The following LRCH2 variants were observed in gnomAD, a reference collection of about 807,000 sequenced individuals.
The protein encoded by LRCH2 is leucine-rich repeat and calponin homology domain-containing protein 2.
In LRCH2, 38 loss-of-function variants were observed where a neutral mutation model predicts 68.9. That is an observed-to-expected ratio of 0.55 (90% CI 0.43 to 0.72). The LOEUF (loss-of-function observed/expected upper bound fraction) is 0.72, where lower values mean the gene tolerates loss of function less well. LRCH2 is among the 30% of genes least tolerant of loss of function. The pLI is 0.00. For synonymous variants in LRCH2, 191 were observed against 208.1 expected, an observed-to-expected ratio of 0.92 and a Z score of 0.71; for missense variants, 528 against 572.9, an observed-to-expected ratio of 0.92 and a Z score of 0.80.
rs782102034 is a variant in LRCH2, at chrX:115,232,309, C to G, written c.349+1384G>C. 3.3e-3 allele frequency among the ~76,000 whole-genome samples: 362 copies of G among 109,910 alleles called. 3 individuals are homozygous for G. Among genetic ancestry groups the G allele is most frequent in the Middle Eastern group, 0.024 (5 of 210 alleles). On this transcript the variant is annotated intron_variant, in intron 1 of 20. Coordinates refer to ENST00000317135, the MANE Select transcript of LRCH2 (RefSeq NM_020871.4). ...AAAAAAATCACTATAATGATGCAGT[C>G]TGAAACTGTTTTACTTGAAGCCTTT...
chrX:115,221,576 G>T (rs1407348067), intron 1 of LRCH2, among the ~76,000 whole-genome samples: 3 of 110,976 alleles, frequency 2.7e-5, no homozygotes, highest in Non-Finnish European at 5.7e-5. Flanking sequence ...TACTGGAGTG[G>T]CAACAAAGTC....
At chrX:115,146,385 A>T (rs2072382705) in intron 14 of LRCH2, among the ~76,000 whole-genome samples, 1 of 110,962 alleles carries the variant, frequency 9.0e-6, no homozygotes, top group African/African-American at 3.3e-5. Flanking sequence ...GACTATAGTC[A>T]ATAATAATTT....
intron 1 of LRCH2, among the ~76,000 whole-genome samples, chrX:115,207,381 A>G (rs1569517023): frequency 9.1e-6 from 1 of 110,339 alleles, no homozygotes; most frequent in Non-Finnish European, 1.9e-5. Context: ...TCTACAAAAA[A>G]ATACAAAAAG....
intron 5 of LRCH2, among the ~76,000 whole-genome samples, chrX:115,171,010 G>C (rs1312258004): frequency 9.0e-6 from 1 of 111,574 alleles, no homozygotes; most frequent in Non-Finnish European, 1.9e-5. Context: ...GTTGGCCATA[G>C]AGAAAATGAA....
At chrX:115,188,412 A>G in intron 1 of LRCH2, 42 bp from the exon 2 acceptor site, 3 of 937,176 alleles carry the variant, frequency 3.2e-6, no homozygotes, top group Non-Finnish European at 4.3e-6. Context: ...ACCTATATCT[A>G]TGGTAATTAA....
At chrX:115,207,597 T>G (rs2072978317) in intron 1 of LRCH2, among the ~76,000 whole-genome samples, 1 of 111,553 alleles carries the variant, frequency 9.0e-6, no homozygotes, top group Non-Finnish European at 1.9e-5. Context: ...CCGTGGGAGA[T>G]TCACTTCACA....
At chrX:115,122,919 T>C (rs1556526518) in intron 18 of LRCH2, 22 bp from the exon 19 acceptor site, 1 of 1,170,896 alleles carries the variant, frequency 8.5e-7, no homozygotes, top group South Asian at 1.9e-5. Flanking sequence ...CAGGTATAAA[T>C]CAGATACTCT....
chrX:115,211,937 T>C (rs781953641), intron 1 of LRCH2, among the ~76,000 whole-genome samples: 3 of 112,280 alleles, frequency 2.7e-5, no homozygotes, highest in South Asian at 3.7e-4. Context: ...CTTAAAGAGA[T>C]GGGCTCTTAT....
At chrX:115,132,115 G>A (rs952676552) in intron 14 of LRCH2, among the ~76,000 whole-genome samples, 3 of 111,695 alleles carry the variant, frequency 2.7e-5, no homozygotes, top group Non-Finnish European at 5.6e-5. Flanking sequence ...TTTGGCTTTC[G>A]TTGCCATTGC....
At chrX:115,183,987 C>G (rs2072713320) in intron 3 of LRCH2, among the ~76,000 whole-genome samples, 1 of 112,113 alleles carries the variant, frequency 8.9e-6, no homozygotes, top group South Asian at 3.7e-4. Flanking sequence ...CATAAGCAAA[C>G]AGTGAGGAAG....
chrX:115,147,481 T>C (rs1295276750), intron 14 of LRCH2, among the ~76,000 whole-genome samples: 1 of 111,591 alleles, frequency 9.0e-6, no homozygotes, highest in Non-Finnish European at 1.9e-5. Context: ...GAAGCTTATC[T>C]TTGCACCTAA....
In LRCH2 at chrX:115,148,283, T is replaced by A. The variant is rs7881575; in HGVS notation, c.1695+1544A>T. Among the ~76,000 whole-genome samples, 1,042 of 111,568 alleles carry A rather than the reference T, an allele frequency of 9.3e-3. 13 individuals carry two copies. Among genetic ancestry groups the A allele is most frequent in the African/African-American group, 0.032 (979 of 30,692 alleles). On this transcript the variant is annotated intron_variant, in intron 14 of 20. Transcript: ENST00000317135. ...ATCTGTAAAACAGAAATAGTCATAA[T>A]TGTACTTACCTCATAAGGTTGTTAT...
chrX:115,129,967 CAT>C (rs2072228995), intron 15 of LRCH2, among the ~76,000 whole-genome samples, 186 bp downstream of exon 15: 1 of 110,211 alleles, frequency 9.1e-6, no homozygotes, highest in Admixed American at 9.7e-5. Flanking sequence ...TTCTAAAGGA[CAT>C]ATGGAAATTA....
intron 14 of LRCH2, among the ~76,000 whole-genome samples, chrX:115,140,622 TGA>T (rs2072328669): frequency 1.9e-5 from 2 of 107,851 alleles, no homozygotes; most frequent in African/African-American, 6.8e-5. Flanking sequence ...GAATTCAGGG[TGA>T]GTCCCAGGAC....
chrX:115,197,847 T>TCTCTCTCTCTCA (rs782358260), intron 1 of LRCH2, among the ~76,000 whole-genome samples: 53 of 20,561 alleles, frequency 2.6e-3, no homozygotes, highest in East Asian at 7.8e-3. Context: ...TCTCTCTCTC[T>TCTCTCTCTCTCA]CACACACACA....
intron 1 of LRCH2, chrX:115,191,370 A>G (rs1556559203): frequency 8.7e-7 from 1 of 1,143,293 alleles, no homozygotes; most frequent in Non-Finnish European, 1.2e-6. Flanking sequence ...CCAACAGTGG[A>G]GGCCGCTCGC....
rs782171229 is a variant in LRCH2 at position 115,188,282 on chromosome X, G to A, written c.438C>T (p.Ile146=). 8.4e-7 allele frequency: 1 copy of A among 1,187,362 alleles called. No individual in the cohort carries two copies. The highest frequency in any genetic ancestry group is 1.1e-6 in the Non-Finnish European group (1 of 880,728). The stretch of plus-strand genomic sequence containing the variant: ...TTTTAATGGCTTCAGGAATGGTTTT[G>A]ATGCAATTATGATATAAATTTAATG... ...LETLNLYHNC[I]KTIPEAIKNL... is the part of the protein sequence containing the mutation. Residue 146 remains isoleucine, a synonymous_variant, in exon 2 of 21, where the codon ATC becomes ATT. Transcript: ENST00000317135.
intron 20 of LRCH2, among the ~76,000 whole-genome samples, chrX:115,116,211 A>T (rs1456688645): frequency 1.8e-5 from 2 of 111,633 alleles, no homozygotes; most frequent in African/African-American, 6.5e-5. Flanking sequence ...AGGTATAACC[A>T]AGAGAACTGA....
intron 3 of LRCH2, among the ~76,000 whole-genome samples, chrX:115,183,856 CCTTT>C (rs2072712569): frequency 8.9e-6 from 1 of 112,103 alleles, no homozygotes; most frequent in South Asian, 3.7e-4. Context: ...AATTCAATGT[CCTTT>C]AATACCTAAA....
Sources: allele counts gnomAD v4.1 joint callset (sites outside exome capture counted in the v4.1 genomes callset), GRCh38; gene constraint gnomAD v4.1.1; transcripts MANE v1.5; gene names NCBI Gene and HGNC (gene_info 2026-07-23, HGNC 2026-07-21).